The following SUCLG2 variants were observed in gnomAD, a reference collection of about 807,000 sequenced individuals.
SUCLG2 encodes succinate--CoA ligase [GDP-forming] subunit beta, mitochondrial.
Under a neutral mutation model 47.9 loss-of-function variants are expected in SUCLG2, and 42 were observed. The ratio of observed to expected loss-of-function variants is 0.88; its 90% CI spans 0.69 to 1.14. The LOEUF is 1.14. Ranked by LOEUF, SUCLG2 falls within the 50% of genes most tolerant of loss-of-function variation. SUCLG2 has a pLI of 0.00. For synonymous variants in SUCLG2, 195 were observed against 197.3 expected (o/e 0.99, Z 0.10); for missense variants, 571 against 525.9 (o/e 1.09, Z -0.84).
At chr3:67,641,715 C>G (rs1242454138) in intron 1 of SUCLG2, among the ~76,000 whole-genome samples, 2 of 152,098 alleles carry the variant, frequency 1.3e-5, no homozygotes, top group Non-Finnish European at 2.9e-5. Context: ...TACTGGGTAT[C>G]CTAGGACTGG....
chr3:67,367,232 A>G (rs1253666932), intron 10 of SUCLG2, among the ~76,000 whole-genome samples: 1 of 152,174 alleles, frequency 6.6e-6, no homozygotes, highest in Non-Finnish European at 1.5e-5. Flanking sequence ...TGAATAGATC[A>G]GCTTTAAAAC....
intron 2 of SUCLG2, among the ~76,000 whole-genome samples, chr3:67,591,463 G>A (rs1344308123): frequency 6.6e-6 from 1 of 152,178 alleles, no homozygotes; most frequent in African/African-American, 2.4e-5. Context: ...TTCACGTGTT[G>A]TGGGAGGGAC....
intron 1 of SUCLG2, among the ~76,000 whole-genome samples, chr3:67,635,190 C>T (rs1397773161): frequency 1.3e-5 from 2 of 152,158 alleles, no homozygotes; most frequent in East Asian, 3.8e-4. Context: ...CATGACACAC[C>T]AGTAATTGTG....
intron 7 of SUCLG2, among the ~76,000 whole-genome samples, chr3:67,499,032 A>G (rs79420444): frequency 0.13 from 20,223 of 152,154 alleles, 1,784 homozygotes; most frequent in Admixed American, 0.23. Flanking sequence ...GAAGTTTGGT[A>G]TATCTGAGAT....
At chr3:67,524,187 G>A (rs2634732) in intron 4 of SUCLG2, among the ~76,000 whole-genome samples, 2 of 152,048 alleles carry the variant, frequency 1.3e-5, no homozygotes, top group Non-Finnish European at 2.9e-5. Context: ...CACTCATCCC[G>A]GAGCAACTCC....
intron 10 of SUCLG2, among the ~76,000 whole-genome samples, chr3:67,392,597 T>C: frequency 6.6e-6 from 1 of 152,168 alleles, no homozygotes; most frequent in East Asian, 1.9e-4. Context: ...AGACATCCAC[T>C]GCCTTACCTT....
At chr3:67,563,385 A>G (rs1707359151) in intron 2 of SUCLG2, among the ~76,000 whole-genome samples, 1 of 152,182 alleles carries the variant, frequency 6.6e-6, no homozygotes, top group African/African-American at 2.4e-5. Flanking sequence ...TCAAGTCCTC[A>G]ACTAGCTCAG....
chr3:67,535,880 G>A (rs1706528509), intron 2 of SUCLG2, among the ~76,000 whole-genome samples: 1 of 152,194 alleles, frequency 6.6e-6, no homozygotes, highest in South Asian at 2.1e-4. Flanking sequence ...AACTACACAG[G>A]GAAGGGGATT....
chr3:67,438,257 A>G (rs569606387), intron 9 of SUCLG2, among the ~76,000 whole-genome samples: 56 of 152,342 alleles, frequency 3.7e-4, no homozygotes, highest in African/African-American at 1.3e-3. Flanking sequence ...TTATAGTACT[A>G]AATGCCTACA....
At chr3:67,508,427 T>C (rs558517717) in intron 7 of SUCLG2, among the ~76,000 whole-genome samples, 11 of 151,942 alleles carry the variant, frequency 7.2e-5, no homozygotes, top group Admixed American at 2.0e-4. Flanking sequence ...CCTTTTATTA[T>C]TTATTATTAT....
At chr3:67,489,340 G>A (rs1350207013) in intron 9 of SUCLG2, among the ~76,000 whole-genome samples, 2 of 152,104 alleles carry the variant, frequency 1.3e-5, no homozygotes, top group Non-Finnish European at 1.5e-5. Flanking sequence ...AGGGCCCAGA[G>A]TGGTAGATGG....
At chr3:67,431,263 G>C (rs1703472203) in intron 9 of SUCLG2, among the ~76,000 whole-genome samples, 1 of 152,176 alleles carries the variant, frequency 6.6e-6, no homozygotes, top group African/African-American at 2.4e-5. Flanking sequence ...CCAAGATCAA[G>C]TCAGCTTCAT....
At chr3:67,452,622 A>G (rs939883394) in intron 9 of SUCLG2, among the ~76,000 whole-genome samples, 7 of 152,116 alleles carry the variant, frequency 4.6e-5, no homozygotes, top group African/African-American at 1.7e-4. Context: ...ATCCACATCC[A>G]GTTTAGCTCT....
At chr3:67,588,216 TAAATAAG>T (rs908632915) in intron 2 of SUCLG2, among the ~76,000 whole-genome samples, 3 of 152,198 alleles carry the variant, frequency 2.0e-5, no homozygotes, top group African/African-American at 7.2e-5. Flanking sequence ...ATCATTATAA[TAAATAAG>T]AACTAAAATT....
chr3:67,626,358 A>T (rs921630373), intron 1 of SUCLG2, among the ~76,000 whole-genome samples: 2 of 151,740 alleles, frequency 1.3e-5, no homozygotes, highest in Non-Finnish European at 2.9e-5. Context: ...GGCAACCATC[A>T]AAATGATCAG....
intron 2 of SUCLG2, among the ~76,000 whole-genome samples, chr3:67,559,332 G>A (rs183334242): frequency 6.6e-6 from 1 of 152,182 alleles, no homozygotes; most frequent in Non-Finnish European, 1.5e-5. Flanking sequence ...AAGGAAAGAG[G>A]TTTAACTGAC....
At chr3:67,636,668 T>C (rs1701016208) in intron 1 of SUCLG2, among the ~76,000 whole-genome samples, 1 of 152,144 alleles carries the variant, frequency 6.6e-6, no homozygotes, top group Admixed American at 6.5e-5. Flanking sequence ...CTAATTTTTT[T>C]TCTATTTTTA....
intron 6 of SUCLG2, chr3:67,513,800 A>C (rs1215037012): frequency 6.6e-6 from 1 of 152,380 alleles, no homozygotes; most frequent in East Asian, 1.9e-4. Flanking sequence ...GTAATTTTTA[A>C]AAATTAAAAT....
chr3:67,442,858 G>A (rs375674122), intron 9 of SUCLG2, among the ~76,000 whole-genome samples: 11 of 152,132 alleles, frequency 7.2e-5, no homozygotes, highest in Admixed American at 5.2e-4. Context: ...ACTGAATTCA[G>A]ACAAAATAAA....
Sources: gnomAD v4.1 joint callset for allele counts (sites outside exome capture counted in the v4.1 genomes callset) on GRCh38, gnomAD v4.1.1 for gene constraint, MANE v1.5 for transcripts, NCBI Gene and HGNC (gene_info 2026-07-23, HGNC 2026-07-21) for gene names.